Variants in TYW1B observed in about 807,000 individuals in gnomAD.
TYW1B encodes the protein tRNA-yW synthesizing protein 1 homolog B.
TYW1B carries 73 observed loss-of-function variants against 86.9 expected under a neutral mutation model. The observed-to-expected ratio is 0.84, with a 90% CI of 0.70 to 1.02. The LOEUF (loss-of-function observed/expected upper bound fraction) is 1.02. Ranked by LOEUF, TYW1B falls within the 50% of genes least tolerant of loss-of-function variation. TYW1B has a pLI of 0.00. For synonymous variants in TYW1B, 248 were observed against 292.8 expected, an observed-to-expected ratio of 0.85 and a Z score of 1.56; for missense variants, 637 against 827.4, an observed-to-expected ratio of 0.77 and a Z score of 2.82.
At chr7:72,727,811 C>CAAAAAAAAAAAAAAAA (rs10714290) in intron 9 of TYW1B, among the ~76,000 whole-genome samples, 1 of 107,664 alleles carries the variant, frequency 9.3e-6, no homozygotes, top group Non-Finnish European at 1.8e-5. Context: ...AGATCCGGTC[C>CAAAAAAAAAAAAAAAA]AAAAAAAAAA....
chr7:72,773,473 G>A (rs1787900665), intron 7 of TYW1B, among the ~76,000 whole-genome samples: 1 of 152,170 alleles, frequency 6.6e-6, no homozygotes, highest in Non-Finnish European at 1.5e-5. Flanking sequence ...AAACCTTCCA[G>A]GCCATGTAGC....
chr7:72,584,556 A>G (rs1382300410), intron 13 of TYW1B, among the ~76,000 whole-genome samples: 1 of 151,970 alleles, frequency 6.6e-6, no homozygotes, highest in Admixed American at 6.6e-5. Flanking sequence ...CCCAGGTTCA[A>G]GAGATTCTCC....
At chr7:72,748,782 C>T (rs1787439139) in intron 7 of TYW1B, among the ~76,000 whole-genome samples, 1 of 151,772 alleles carries the variant, frequency 6.6e-6, no homozygotes, top group African/African-American at 2.4e-5. Context: ...GGGAAAAATT[C>T]CACTTGGTTA....
chr7:72,731,682 A>G (rs56176828), intron 8 of TYW1B, among the ~76,000 whole-genome samples: 118,739 of 152,132 alleles, frequency 0.78, 46,606 homozygotes, highest in Non-Finnish European at 0.8. Context: ...GGTGGCTCAC[A>G]CCTGTAATCC....
intron 3 of TYW1B, among the ~76,000 whole-genome samples, chr7:72,811,054 A>T (rs1298292370): frequency 6.6e-6 from 1 of 151,664 alleles, no homozygotes; most frequent in Non-Finnish European, 1.5e-5. Flanking sequence ...GGCGGATCAC[A>T]AGGTCAGGAG....
At chr7:72,776,662 T>C (rs1408198882) in intron 7 of TYW1B, among the ~76,000 whole-genome samples, 1 of 77,286 alleles carries the variant, frequency 1.3e-5, no homozygotes, top group African/African-American at 3.6e-5. Flanking sequence ...AGAGCCACTT[T>C]TTAAAAATGA....
chr7:72,663,838 G>A lies in TYW1B; in HGVS notation c.1506+30849C>T, dbSNP rs531445905. Reference sequence around the variant, plus strand: ...ACCTTAGTTCCAACTTGGAGTCTCGGACTCATGTTAATTTTTTTTTTAATC... The same window carrying A: ...ACCTTAGTTCCAACTTGGAGTCTCGAACTCATGTTAATTTTTTTTTTAATC... On this transcript the variant is annotated intron_variant, in intron 11 of 13. Coordinates refer to ENST00000620995, the MANE Select transcript of TYW1B (RefSeq NM_001145440.3). Among the ~76,000 whole-genome samples the A allele has an allele frequency of 2.0e-5, 3 of 150,134 alleles. No individual in the cohort carries two copies. In the South Asian group the frequency reaches 6.3e-4, roughly 32 times the overall value.
rs555788437 is a variant in TYW1B, at chr7:72,724,050, A to C, written c.1192+4772T>G. ...AAGATTTACTATGACTATTATAGCA[A>C]TAAGATGGATTTTCAAAAATAATGG... is the stretch of plus-strand genomic sequence containing the variant. On this transcript the variant is annotated intron_variant, in intron 9 of 13. Transcript: ENST00000620995. Among the ~76,000 whole-genome samples the C allele has an allele frequency of 2.0e-5, 3 of 151,924 alleles. No individual in the cohort carries two copies. The South Asian group carries it at 6.3e-4, about 32-fold the overall frequency.
chr7:72,584,460 A>AT (rs34009372), intron 13 of TYW1B, among the ~76,000 whole-genome samples: 1,904 of 142,518 alleles, frequency 0.013, 17 homozygotes, highest in South Asian at 0.035. Context: ...GTATATTCCA[A>AT]TTTTTTTTTT....
In TYW1B at chr7:72,616,820, T is replaced by G. The variant is rs781889622; in HGVS notation, c.1637A>C (p.Glu546Ala). The G allele has an allele frequency of 6.2e-7, 1 of 1,614,052 alleles. No homozygotes were observed. The highest frequency in any genetic ancestry group is 8.5e-7 in the Non-Finnish European group (1 of 1,180,046). The change falls in exon 13 of 14, where the codon GAA (glutamate) becomes GCA (alanine). Residue 546 changes from glutamate (E) to alanine (A), a missense_variant. Glu to Ala is a moderately radical substitution (Grantham distance 107, BLOSUM62 -1). Transcript: ENST00000620995. Reference protein sequence around the residue: ...IEVKGVTYCRESSASSLTMAH... With the variant: ...IEVKGVTYCRASSASSLTMAH... ...CATGGTAAGACTGCTTGCTGAACTT[T>G]CTCTGCAGTAGGTAACGCCCTGTGG...
At chr7:72,790,327 A>C (rs7803570) in intron 6 of TYW1B, among the ~76,000 whole-genome samples, 119,138 of 151,954 alleles carry the variant, frequency 0.78, 46,902 homozygotes, top group Non-Finnish European at 0.8. Flanking sequence ...TGGCGGACCC[A>C]TAGGGCAATG....
chr7:72,774,256 GT>G (rs1787914607), intron 7 of TYW1B, among the ~76,000 whole-genome samples: 1 of 151,432 alleles, frequency 6.6e-6, no homozygotes, highest in Non-Finnish European at 1.5e-5. Flanking sequence ...ACATAGAAGT[GT>G]TTTGCCTCAA....
intron 7 of TYW1B, among the ~76,000 whole-genome samples, chr7:72,774,523 C>T (rs1321443848): frequency 6.6e-6 from 1 of 151,864 alleles, no homozygotes; most frequent in Non-Finnish European, 1.5e-5. Flanking sequence ...GAGATAGAGA[C>T]CATCCTGGCT....
chr7:72,720,979 A>G (rs1208754562), intron 9 of TYW1B, among the ~76,000 whole-genome samples: 1 of 137,988 alleles, frequency 7.2e-6, no homozygotes, highest in African/African-American at 2.8e-5. Context: ...ATTCCCACCT[A>G]TGAGTGAGAA....
At chr7:72,755,668 A>C (rs886717804) in intron 7 of TYW1B, among the ~76,000 whole-genome samples, 2 of 152,202 alleles carry the variant, frequency 1.3e-5, no homozygotes, top group African/African-American at 4.8e-5. Flanking sequence ...TCTCAAACTG[A>C]AAAAGAAGGG....
intron 10 of TYW1B, among the ~76,000 whole-genome samples, chr7:72,703,026 A>ATTTTTTT (rs1166122885): frequency 5.7e-5 from 2 of 35,204 alleles, no homozygotes; most frequent in African/African-American, 2.4e-4. Flanking sequence ...ATATATATAT[A>ATTTTTTT]TTTTTTTTTT....
intron 7 of TYW1B, among the ~76,000 whole-genome samples, chr7:72,751,033 T>G (rs1422304688): frequency 7.8e-6 from 1 of 127,790 alleles, no homozygotes; most frequent in Admixed American, 8.8e-5. Flanking sequence ...TCAGATTGGG[T>G]AAATTCCCTT....
At chr7:72,721,610 ACACACACACACATG>A (rs1297259824) in intron 9 of TYW1B, among the ~76,000 whole-genome samples, 1 of 151,740 alleles carries the variant, frequency 6.6e-6, no homozygotes, top group Non-Finnish European at 1.5e-5. Context: ...TCACACTCAC[ACACACACACACATG>A]CACACACACA....
intron 13 of TYW1B, among the ~76,000 whole-genome samples, chr7:72,601,655 T>A (rs181824728): frequency 2.1e-5 from 3 of 143,254 alleles, no homozygotes; most frequent in African/African-American, 7.9e-5. Context: ...CTGTGGTACA[T>A]CCACACAATG....
Sources: gnomAD v4.1 joint callset for allele counts (sites outside exome capture counted in the v4.1 genomes callset) on GRCh38, gnomAD v4.1.1 for gene constraint, MANE v1.5 for transcripts, NCBI Gene and HGNC (gene_info 2026-07-23, HGNC 2026-07-21) for gene names.